KHDRBS2: variants seen among roughly 807,000 people sequenced by gnomAD.
The protein encoded by KHDRBS2 is KH RNA binding domain containing, signal transduction associated 2.
A neutral mutation model predicts 44.3 loss-of-function variants in KHDRBS2; 26 were observed. That is an observed-to-expected ratio of 0.59 (90% CI 0.43 to 0.81). The LOEUF is 0.81. Ranked by LOEUF, KHDRBS2 falls within the 40% of genes least tolerant of loss-of-function variation. The probability of loss-of-function intolerance (pLI) is 0.00; values close to 1 mark genes in which losing one functional copy is unlikely to be tolerated. For missense variants in KHDRBS2, 476 were observed against 433.1 expected (o/e 1.10, Z -0.88); for synonymous variants, 194 against 151.1 (o/e 1.28, Z -2.08).
intron 1 of KHDRBS2, among the ~76,000 whole-genome samples, chr6:62,271,797 T>G (rs1840131359): frequency 1.3e-5 from 2 of 152,080 alleles, no homozygotes; most frequent in African/African-American, 4.8e-5. Context: ...ATAAAGATAT[T>G]GTTTAGCTAA....
chr6:61,638,633 A>T, the KHDRBS2 span, among the ~76,000 whole-genome samples: 1 of 152,094 alleles, frequency 6.6e-6, no homozygotes, highest in Non-Finnish European at 1.5e-5. Flanking sequence ...AAAGTTCAAC[A>T]TATACTTTCT....
intron 1 of KHDRBS2, among the ~76,000 whole-genome samples, chr6:62,282,051 A>C (rs1368865897): frequency 6.6e-6 from 1 of 152,178 alleles, no homozygotes; most frequent in Non-Finnish European, 1.5e-5. Context: ...TCACAGGAAC[A>C]CTATTTTTTA....
chr6:62,070,950 C>A (rs1420888801), intron 2 of KHDRBS2, among the ~76,000 whole-genome samples: 1 of 152,092 alleles, frequency 6.6e-6, no homozygotes, highest in South Asian at 2.1e-4. Context: ...GTTTACAGTC[C>A]CACCAACAGT....
chr6:62,163,532 C>A (rs1273882065), intron 2 of KHDRBS2, among the ~76,000 whole-genome samples: 1 of 152,044 alleles, frequency 6.6e-6, no homozygotes, highest in African/African-American at 2.4e-5. Flanking sequence ...ACACTCCCAA[C>A]TAATGAGTAG....
chr6:62,093,920 C>A (rs1387067830), intron 2 of KHDRBS2, among the ~76,000 whole-genome samples: 3 of 148,362 alleles, frequency 2.0e-5, no homozygotes, highest in Non-Finnish European at 3.0e-5. Flanking sequence ...ATCAATTCAT[C>A]CACTGATAGA....
intron 1 of KHDRBS2, among the ~76,000 whole-genome samples, chr6:62,275,025 AC>A (rs900383314): frequency 5.9e-5 from 9 of 151,458 alleles, no homozygotes; most frequent in Non-Finnish European, 1.3e-4. Flanking sequence ...ACACACACAC[AC>A]ACACACACAC....
intron 2 of KHDRBS2, among the ~76,000 whole-genome samples, chr6:62,170,248 C>T (rs1819719501): frequency 6.6e-6 from 1 of 152,008 alleles, no homozygotes; most frequent in Non-Finnish European, 1.5e-5. Context: ...AAGTGAGACA[C>T]CTGTGTTCAC....
At chr6:62,091,161 C>T (rs1182099051) in intron 2 of KHDRBS2, among the ~76,000 whole-genome samples, 3 of 152,126 alleles carry the variant, frequency 2.0e-5, no homozygotes, top group Non-Finnish European at 4.4e-5. Flanking sequence ...CTGCCACGTT[C>T]TTGATCCCAC....
intron 4 of KHDRBS2, among the ~76,000 whole-genome samples, chr6:61,955,140 A>G (rs539251167): frequency 6.9e-5 from 10 of 145,078 alleles, no homozygotes; most frequent in Admixed American, 2.1e-4. Context: ...ATATGTATAT[A>G]CACATACGTG....
intron 5 of KHDRBS2, among the ~76,000 whole-genome samples, chr6:61,899,998 G>C (rs1803681004): frequency 6.6e-6 from 1 of 151,862 alleles, no homozygotes; most frequent in South Asian, 2.1e-4. Flanking sequence ...ATTGTATTAT[G>C]TCACATTAAT....
chr6:62,276,649 T>A (rs1250780812), intron 1 of KHDRBS2, among the ~76,000 whole-genome samples: 1 of 152,220 alleles, frequency 6.6e-6, no homozygotes, highest in African/African-American at 2.4e-5. Context: ...ATTCATAAAT[T>A]TATTTGACTT....
chr6:61,885,785 C>T (rs1426096672), intron 6 of KHDRBS2, among the ~76,000 whole-genome samples: 1 of 152,080 alleles, frequency 6.6e-6, no homozygotes, highest in African/African-American at 2.4e-5. Flanking sequence ...CATGTAAACA[C>T]ATTTATAATC....
the KHDRBS2 span, among the ~76,000 whole-genome samples, chr6:61,674,071 G>A: frequency 1.3e-5 from 2 of 151,722 alleles, no homozygotes; most frequent in African/African-American, 4.8e-5. Context: ...AATCATGTGA[G>A]TGGTTTTCTT....
At chr6:61,946,556 T>A (rs1813409477) in intron 4 of KHDRBS2, among the ~76,000 whole-genome samples, 1 of 152,098 alleles carries the variant, frequency 6.6e-6, no homozygotes, top group South Asian at 2.1e-4. Flanking sequence ...CGGGCAAGAA[T>A]AAAAACTTAC....
the KHDRBS2 span, among the ~76,000 whole-genome samples, chr6:61,554,979 A>G: frequency 1.3e-5 from 2 of 152,058 alleles, no homozygotes; most frequent in South Asian, 2.1e-4. Context: ...TCTGATGACT[A>G]TGTGTCCTGG....
intron 3 of KHDRBS2, among the ~76,000 whole-genome samples, chr6:62,005,770 T>C (rs528530736): frequency 6.6e-6 from 1 of 151,508 alleles, no homozygotes; most frequent in South Asian, 2.1e-4. Flanking sequence ...CCTATAGTTA[T>C]GAAATAAAAA....
chr6:62,050,716 T>C (rs1788823707), intron 2 of KHDRBS2, among the ~76,000 whole-genome samples: 1 of 152,016 alleles, frequency 6.6e-6, no homozygotes, highest in Non-Finnish European at 1.5e-5. Context: ...GATACAGTAG[T>C]ATCATTTTAA....
chr6:61,791,452 T>G (rs544633268), intron 6 of KHDRBS2, among the ~76,000 whole-genome samples: 2 of 151,546 alleles, frequency 1.3e-5, no homozygotes, highest in African/African-American at 4.8e-5. Flanking sequence ...ATTATAAATA[T>G]TTTTTCATAG....
chr6:61,569,865 A>G, the KHDRBS2 span, among the ~76,000 whole-genome samples: 1 of 152,188 alleles, frequency 6.6e-6, no homozygotes, highest in South Asian at 2.1e-4. Flanking sequence ...TCCCATCCCT[A>G]GGGGAAAGAC....
Sources: allele counts gnomAD v4.1 joint callset (sites outside exome capture counted in the v4.1 genomes callset), GRCh38; gene constraint gnomAD v4.1.1; transcripts MANE v1.5; gene names NCBI Gene and HGNC (gene_info 2026-07-23, HGNC 2026-07-21).